Variants in DST observed in about 807,000 individuals in gnomAD.
The protein encoded by DST is dystonin.
DST carries 253 observed loss-of-function variants against 875.2 expected under a neutral mutation model. That is an observed-to-expected ratio of 0.29 (90% CI 0.26 to 0.32). DST has a LOEUF of 0.32. Ranked by LOEUF, DST falls within the 10% of genes least tolerant of loss-of-function variation. The pLI is 1.00. For missense variants in DST, 8,287 were observed against 9,111.6 expected (o/e 0.91, Z 3.68); for synonymous variants, 3,124 against 3,197.1 (o/e 0.98, Z 0.77).
intron 57 of DST, among the ~76,000 whole-genome samples, chr6:56,560,991 T>A (rs760113109): frequency 3.9e-5 from 6 of 152,170 alleles, no homozygotes; most frequent in Non-Finnish European, 7.4e-5. Flanking sequence ...AGATCCTTCA[T>A]ACATTTAGCC....
intron 4 of DST, among the ~76,000 whole-genome samples, chr6:56,810,153 C>G (rs1395701981): frequency 6.6e-6 from 1 of 151,998 alleles, no homozygotes; most frequent in Non-Finnish European, 1.5e-5. Context: ...ATAGCAAGAC[C>G]CCACCTCTAT....
chr6:56,727,522 C>T (rs987047424), intron 5 of DST, among the ~76,000 whole-genome samples: 6 of 152,088 alleles, frequency 3.9e-5, no homozygotes, highest in Admixed American at 1.3e-4. Context: ...TCTTTGAAAA[C>T]GCTTTAGAAA....
At chr6:56,835,300 G>T (rs372339200) in intron 4 of DST, among the ~76,000 whole-genome samples, 2 of 152,060 alleles carry the variant, frequency 1.3e-5, no homozygotes, top group East Asian at 3.9e-4. Flanking sequence ...AACCTATATA[G>T]AACTGTACAA....
chr6:56,643,002 T>G lies in DST; in HGVS notation c.1779-499A>C, dbSNP rs569922018. 7 of 1,226,786 alleles carry G rather than the reference T, an allele frequency of 5.7e-6. No homozygotes were observed. The East Asian group carries it at 1.9e-4, about 33-fold the overall frequency. The allele number at this position is 1,226,786 out of a possible 1,614,324, so 76.0% of individuals were successfully genotyped here. A position where few individuals can be genotyped will look rare whatever the true frequency, so the allele number is the denominator to read the frequency against. On this transcript the variant is annotated intron_variant, in intron 15 of 103. Coordinates refer to ENST00000680361, the MANE Select transcript of DST (RefSeq NM_001374736.1). ...AGAATCTAGCCTAAAGCCATTCGTT[T>G]GCTAGCTGAGGTTTGCCTTTTGTAG...
rs1228528536 is a variant in DST, at chr6:56,714,824, C to G, written c.688-10455G>C. Among the ~76,000 whole-genome samples, 1 of 152,194 alleles carries G rather than the reference C, an allele frequency of 6.6e-6. No individual in the cohort carries two copies. The highest frequency in any genetic ancestry group is 1.5e-5 in the Non-Finnish European group (1 of 68,022). On this transcript the variant is annotated intron_variant, in intron 5 of 103. Transcript: ENST00000680361. This position sits in a 1 kb window ranked among gnomAD's most constrained non-coding sequence, Gnocchi z 4.5. ...TAACTCCTCCTCTAGTTACTGAAATCTTACTTTTCCTACTAGGTCAAATTC... is the reference window on the plus strand; with the variant it reads ...TAACTCCTCCTCTAGTTACTGAAATGTTACTTTTCCTACTAGGTCAAATTC...
At chr6:56,490,232 T>C (rs1477665187) in intron 85 of DST, among the ~76,000 whole-genome samples, 1 of 152,190 alleles carries the variant, frequency 6.6e-6, no homozygotes, top group African/African-American at 2.4e-5. Context: ...CCACAATATT[T>C]GGGTTCTAAC....
At chr6:56,918,222 G>A (rs1218563568) in intron 2 of DST, among the ~76,000 whole-genome samples, 2 of 151,604 alleles carry the variant, frequency 1.3e-5, no homozygotes, top group African/African-American at 2.4e-5. Flanking sequence ...CACCTCCCGG[G>A]TTCAAGTGAT....
At chr6:56,595,779 A>ACCCCCCCCCCCC (rs559086079) in intron 47 of DST, among the ~76,000 whole-genome samples, 1 of 144,528 alleles carries the variant, frequency 6.9e-6, no homozygotes, top group African/African-American at 2.9e-5. Flanking sequence ...TTCATATGCT[A>ACCCCCCCCCCCC]CCCCCACCCC....
intron 9 of DST, among the ~76,000 whole-genome samples, chr6:56,691,490 C>A (rs1411898628): frequency 6.6e-6 from 1 of 152,074 alleles, no homozygotes; most frequent in Non-Finnish European, 1.5e-5. Context: ...GATACAATGA[C>A]CTTGCCAAGA....
chr6:56,570,530 T>A (rs1349160469), intron 53 of DST, among the ~76,000 whole-genome samples: 1 of 152,076 alleles, frequency 6.6e-6, no homozygotes, highest in Non-Finnish European at 1.5e-5. Context: ...CCTCTGACGA[T>A]CTGACAGGAG....
intron 3 of DST, among the ~76,000 whole-genome samples, chr6:56,858,156 C>T (rs112564935): frequency 6.6e-6 from 1 of 151,670 alleles, no homozygotes; most frequent in East Asian, 1.9e-4. Context: ...ATGCAGGAAC[C>T]CTTAACTCCA....
rs141875862 is a variant in DST, at chr6:56,629,332, C to T, written c.4393G>A (p.Asp1465Asn). The change falls in exon 32 of 104, where the codon GAC (aspartate) becomes AAC (asparagine). Residue 1465 changes from aspartate (D) to asparagine (N), a missense_variant. Transcript: ENST00000680361. The part of the protein sequence containing the change: ...DEMFKTYKER[D>N]LDFDWHKEKA... ...TCTTTGTGCCAGTCAAAATCAAGGT[C>T]CCGTTCTTTATACGTTTTAAACATT... The T allele has an allele frequency of 4.3e-5, 70 of 1,613,684 alleles. 1 individual carries two copies. The highest frequency in any genetic ancestry group is 5.8e-5 in the Non-Finnish European group (69 of 1,179,762).
In DST at chr6:56,526,522, G is replaced by C. The variant is rs755319932; in HGVS notation, c.17968C>G (p.Leu5990Val). Residue 5990 changes from leucine (L) to valine (V), a missense_variant, in exon 69 of 104, where the codon CTT becomes GTT. Leu to Val is a conservative substitution (Grantham distance 32). Coordinates refer to ENST00000680361, the MANE Select transcript of DST (RefSeq NM_001374736.1). ...AKNNKALLDS[L>V]NEVSSALLEL... ...AGCAAAGCACTGCTCACTTCATTAAGGGAGTCCAGTAAGGCTTTGTTGTTC... is the reference window on the plus strand; with the variant it reads ...AGCAAAGCACTGCTCACTTCATTAACGGAGTCCAGTAAGGCTTTGTTGTTC... The C allele has an allele frequency of 1.2e-6, 2 of 1,613,730 alleles. No homozygotes were observed. Among genetic ancestry groups the C allele is most frequent in the Non-Finnish European group, 1.7e-6 (2 of 1,179,742 alleles).
At position 56,609,071 on chromosome 6, in the gene DST, T is replaced by C; in HGVS notation, c.5557A>G (p.Ile1853Val). 6.2e-7 allele frequency: 1 copy of C among 1,613,878 alleles called. No homozygotes were observed. Among genetic ancestry groups the C allele is most frequent in the Non-Finnish European group, 8.5e-7 (1 of 1,179,810 alleles). ...EIISAASPTT[I>V]PVLDALAQSM... Reference sequence around the variant, plus strand: ...TGAGCTAGAGCATCCAGTACTGGAATTGTGGTAGGTGACGCAGCAGAAATA... The same window carrying C: ...TGAGCTAGAGCATCCAGTACTGGAACTGTGGTAGGTGACGCAGCAGAAATA... The change falls in exon 40 of 104, where the codon ATT (isoleucine) becomes GTT (valine). Residue 1853 changes from isoleucine to valine, a missense_variant. Ile to Val is a conservative substitution (Grantham distance 29, BLOSUM62 3). Coordinates refer to ENST00000680361, the MANE Select transcript of DST (RefSeq NM_001374736.1).
chr6:56,729,304 A>G (rs1199925796), intron 5 of DST, among the ~76,000 whole-genome samples: 1 of 152,088 alleles, frequency 6.6e-6, no homozygotes, highest in Non-Finnish European at 1.5e-5. Flanking sequence ...AAATTCCCCT[A>G]TTTTGGCTGG....
intron 2 of DST, among the ~76,000 whole-genome samples, chr6:56,927,543 G>T (rs1807823110): frequency 1.3e-5 from 2 of 152,108 alleles, no homozygotes; most frequent in Admixed American, 6.5e-5. Flanking sequence ...TGCATTAAAA[G>T]AATACAATAT....
chr6:56,670,940 A>ATAACAATTCCCGCTTCAT (rs2099098052), intron 9 of DST, 133 bp from the exon 10 acceptor site: 1 of 534,646 alleles, frequency 1.9e-6, no homozygotes, highest in Non-Finnish European at 3.2e-6. Flanking sequence ...GAGATTGTTA[A>ATAACAATTCCCGCTTCAT]GAGATTTGAA....
In DST at chr6:56,528,891, T is replaced by C; in HGVS notation, c.17630A>G (p.Asn5877Ser). The change falls in exon 67 of 104, where the codon AAT becomes AGT. Residue 5877 changes from asparagine to serine, a missense_variant. Asn to Ser is a conservative substitution (Grantham distance 46, BLOSUM62 1). Around this residue, in one of 10 missense-constraint regions of DST, gnomAD observed 777 missense variants for 764.8 expected, o/e 1.02. Transcript: ENST00000680361. ...LQEDILLRKQ[N>S]VDQALLNGLE... ...ACCATTTAGTAAAGCCTGATCTACA[T>C]TTTGTTTCCTGAGTAAGATGTCCTC... 2.1e-5 allele frequency: 33 copies of C among 1,586,844 alleles called. No homozygotes were observed. Among genetic ancestry groups the C allele is most frequent in the Non-Finnish European group, 2.7e-5 (32 of 1,164,410 alleles).
intron 2 of DST, among the ~76,000 whole-genome samples, chr6:56,934,560 T>TTTTTATATATATATATATATA (rs869186436): frequency 5.6e-5 from 6 of 106,486 alleles, no homozygotes; most frequent in African/African-American, 2.1e-4. Flanking sequence ...ATATATTATA[T>TTTTTATATATATATATATATA]TATATATATA....
Sources: gnomAD v4.1 joint callset for allele counts (sites outside exome capture counted in the v4.1 genomes callset) on GRCh38, gnomAD v4.1.1 for gene constraint, gnomAD v4.1.1 regional missense constraint, Gnocchi (gnomAD v3.1) non-coding constraint, MANE v1.5 for transcripts, NCBI Gene and HGNC (gene_info 2026-07-23, HGNC 2026-07-21) for gene names.